RNF123: variants seen among roughly 807,000 people sequenced by gnomAD.
RNF123 encodes E3 ubiquitin-protein ligase RNF123.
RNF123 carries 86 observed loss-of-function variants against 168.5 expected under a neutral mutation model. The ratio of observed to expected loss-of-function variants is 0.51; its 90% CI spans 0.43 to 0.61. The LOEUF is 0.61. RNF123 is among the 20% of genes least tolerant of loss of function. The pLI is 0.00. For synonymous variants in RNF123, 666 were observed against 689.1 expected (o/e 0.97, Z 0.52); for missense variants, 1,419 against 1,729.7 (o/e 0.82, Z 3.19).
At chr3:49,718,763 G>T in intron 35 of RNF123, 3 of 1,613,276 alleles carry the variant, frequency 1.9e-6, no homozygotes, top group Non-Finnish European at 2.5e-6. Flanking sequence ...CCCCGCTGGT[G>T]CCAGCGCTGT....
intron 37 of RNF123, 26 bp from the exon 38 acceptor site, chr3:49,720,993 GC>G (rs776272984): frequency 6.8e-6 from 11 of 1,609,054 alleles, no homozygotes; most frequent in Non-Finnish European, 9.4e-6. Context: ...TCCAACTCCA[GC>G]CCACCCTTCA....
chr3:49,702,609 A>C, intron 19 of RNF123, 24 bp from the exon 20 acceptor site: 1 of 1,614,184 alleles, frequency 6.2e-7, no homozygotes, highest in South Asian at 1.1e-5. Flanking sequence ...GCACCAATGC[A>C]TGTTTCATGC....
At chr3:49,706,164 C>T (rs1373526942) in intron 25 of RNF123, 99 bp downstream of exon 25, 2 of 1,041,904 alleles carry the variant, frequency 1.9e-6, no homozygotes, top group African/African-American at 1.6e-5. Flanking sequence ...AGTTCTCATC[C>T]CCACTCTAGC....
chr3:49,692,564 T>C (rs1008825865), intron 3 of RNF123, among the ~76,000 whole-genome samples: 4 of 152,226 alleles, frequency 2.6e-5, no homozygotes, highest in Non-Finnish European at 4.4e-5. Context: ...TGCTACCAGA[T>C]AGGTCTCATT....
At chr3:49,707,130 CGAG>C (rs762334445) in intron 26 of RNF123, among the ~76,000 whole-genome samples, 1 of 152,156 alleles carries the variant, frequency 6.6e-6, no homozygotes, top group Non-Finnish European at 1.5e-5. Context: ...ACCTGTCCTT[CGAG>C]GAACAAACTC....
At chr3:49,706,218 C>G (rs1267203897) in intron 25 of RNF123, among the ~76,000 whole-genome samples, 153 bp downstream of exon 25, 6 of 152,324 alleles carry the variant, frequency 3.9e-5, no homozygotes, top group Non-Finnish European at 5.9e-5. Flanking sequence ...GCAGCAAGGC[C>G]TGGCACCCAT....
chr3:49,706,020 G>A lies in RNF123; in HGVS notation c.2343G>A (p.Met781Ile). The A allele has an allele frequency of 6.2e-7, 1 of 1,614,168 alleles. No individual in the cohort carries two copies. The highest frequency in any genetic ancestry group is 8.5e-7 in the Non-Finnish European group (1 of 1,180,030). ...GVSDDVNEYA[M>I]ALRDTEDKLR... Reference sequence around the variant, plus strand: ...CCGATGATGTCAATGAATACGCTATGGCTCTGAGGGACACAGAGGACAAGC... The same window carrying A: ...CCGATGATGTCAATGAATACGCTATAGCTCTGAGGGACACAGAGGACAAGC... The change falls in exon 25 of 39, where the codon ATG (methionine) becomes ATA (isoleucine). Residue 781 changes from methionine to isoleucine, a missense_variant. Coordinates refer to ENST00000327697, the MANE Select transcript of RNF123 (RefSeq NM_022064.5).
intron 3 of RNF123, among the ~76,000 whole-genome samples, chr3:49,691,916 G>A (rs1175385856): frequency 1.3e-5 from 2 of 152,250 alleles, no homozygotes; most frequent in East Asian, 3.8e-4. Flanking sequence ...ACTTTTAAGT[G>A]TAGTCAGTAT....
rs759277592 is a variant in RNF123 at position 49,701,498 on chromosome 3, G to A, written c.1285G>A (p.Val429Met). ...TGCCTTGACACCCGCCAGCTTCGAC[G>A]TGCTCCGCTCCGTCGTCTTCTTTTA... ...KFLLSNVLFD[V>M]LRSVVFFYIK... The change falls in exon 16 of 39, where the codon GTG becomes ATG. Residue 429 changes from valine (V) to methionine (M), a missense_variant. By Grantham distance (21) the Val-to-Met change is conservative. Coordinates refer to ENST00000327697, the MANE Select transcript of RNF123 (RefSeq NM_022064.5). The A allele has an allele frequency of 1.2e-5, 20 of 1,613,598 alleles. No individual in the cohort carries two copies. The highest frequency in any genetic ancestry group is 1.4e-5 in the Non-Finnish European group (17 of 1,179,892).
At chr3:49,707,005 C>A in intron 26 of RNF123, 107 bp downstream of exon 26, 1 of 804,480 alleles carries the variant, frequency 1.2e-6, no homozygotes, top group Non-Finnish European at 2.1e-6. Flanking sequence ...GCCTCTGGCA[C>A]ACACATGTCC....
rs1161711756 is a variant in RNF123, at chr3:49,713,802, T to C, written c.2814T>C (p.Ala938=). The C allele has an allele frequency of 1.2e-6, 2 of 1,612,824 alleles. No individual in the cohort carries two copies. Among genetic ancestry groups the C allele is most frequent in the Non-Finnish European group, 1.7e-6 (2 of 1,179,666 alleles). ...SYVCYPHSLR[A]VERIPEEQRI... ...TGTGCTACCCACACTCCCTGCGGGC[T>C]GTGGAGCGAATCCCCGAGGAGCAGT... Residue 938 remains alanine (A), a synonymous_variant, in exon 29 of 39, where the codon GCT becomes GCC. Transcript: ENST00000327697.
At chr3:49,690,164 G>A (rs1404108087) in intron 1 of RNF123, among the ~76,000 whole-genome samples, 1 of 152,196 alleles carries the variant, frequency 6.6e-6, no homozygotes, top group Non-Finnish European at 1.5e-5. Context: ...CTGAACTGCA[G>A]AGTAGGGAGT....
intron 27 of RNF123, 44 bp from the exon 28 acceptor site, chr3:49,713,469 A>T: frequency 6.4e-7 from 1 of 1,552,248 alleles, no homozygotes; most frequent in Non-Finnish European, 8.8e-7. Flanking sequence ...CTGCCTCTGG[A>T]GCCCCCACTC....
intron 28 of RNF123, 34 bp downstream of exon 28, chr3:49,713,621 G>A (rs1312963430): frequency 1.9e-6 from 3 of 1,600,770 alleles, no homozygotes; most frequent in African/African-American, 2.7e-5. Flanking sequence ...CAGGGGGAGG[G>A]GGATGGGATG....
chr3:49,692,928 A>G (rs989602696), intron 3 of RNF123, among the ~76,000 whole-genome samples: 1 of 152,224 alleles, frequency 6.6e-6, no homozygotes, highest in African/African-American at 2.4e-5. Flanking sequence ...CAGTGCTGCA[A>G]CAAACATGGG....
At chr3:49,709,547 G>A (rs1370151406) in intron 26 of RNF123, among the ~76,000 whole-genome samples, 1 of 152,014 alleles carries the variant, frequency 6.6e-6, no homozygotes, top group South Asian at 2.1e-4. Context: ...TGATCCACCC[G>A]CCTCGGCCTC....
intron 27 of RNF123, 144 bp downstream of exon 27, chr3:49,712,800 C>A (rs985774323): frequency 1.3e-5 from 12 of 926,306 alleles, no homozygotes; most frequent in Non-Finnish European, 2.0e-5. Flanking sequence ...GTGGTTCACC[C>A]TGCAGCAAAC....
At chr3:49,714,233 C>T in intron 31 of RNF123, 59 bp downstream of exon 31, 1 of 1,476,922 alleles carries the variant, frequency 6.8e-7, no homozygotes, top group African/African-American at 1.4e-5. Context: ...TACCTCCTAC[C>T]CATGGGTTCT....
At chr3:49,717,881 T>G in intron 35 of RNF123, 3 of 1,516,218 alleles carry the variant, frequency 2.0e-6, no homozygotes, top group Non-Finnish European at 2.7e-6. Flanking sequence ...CTGCCAGTTC[T>G]CTGGACCGAA....
Sources: gnomAD v4.1 joint callset for allele counts (sites outside exome capture counted in the v4.1 genomes callset) on GRCh38, gnomAD v4.1.1 for gene constraint, MANE v1.5 for transcripts, NCBI Gene and HGNC (gene_info 2026-07-23, HGNC 2026-07-21) for gene names.